The following GALNT13 variants were observed in gnomAD, a reference collection of about 807,000 sequenced individuals.
GALNT13 encodes the protein UDP-GalNAc:polypeptide N-acetylgalactosaminyltransferase 13.
Under a neutral mutation model 64.2 loss-of-function variants are expected in GALNT13, and 28 were observed. The ratio of observed to expected loss-of-function variants is 0.44; its 90% CI spans 0.32 to 0.60. The LOEUF (loss-of-function observed/expected upper bound fraction) is 0.60. Ranked by LOEUF, GALNT13 falls within the 20% of genes least tolerant of loss-of-function variation. The pLI, the probability that GALNT13 is intolerant of heterozygous loss-of-function variation, is 0.05. For synonymous variants in GALNT13, 214 were observed against 224.6 expected, an observed-to-expected ratio of 0.95 and a Z score of 0.42; for missense variants, 577 against 669.8, an observed-to-expected ratio of 0.86 and a Z score of 1.53.
At chr2:153,500,155 A>AG in the GALNT13 span, among the ~76,000 whole-genome samples, 1 of 152,168 alleles carries the variant, frequency 6.6e-6, no homozygotes, top group Non-Finnish European at 1.5e-5. Context: ...TCATAATGAC[A>AG]GGGGGCATGT....
intron 3 of GALNT13, among the ~76,000 whole-genome samples, chr2:154,060,600 C>T (rs1225269475): frequency 6.6e-6 from 1 of 152,084 alleles, no homozygotes; most frequent in Non-Finnish European, 1.5e-5. Context: ...AAGTGATTTC[C>T]CCGGCCTAGG....
the GALNT13 span, among the ~76,000 whole-genome samples, chr2:153,802,747 T>C: frequency 6.6e-6 from 1 of 152,236 alleles, no homozygotes; most frequent in Admixed American, 6.5e-5. Flanking sequence ...CACAAATTTG[T>C]ATTCCAAGGC....
At chr2:153,493,161 G>C in the GALNT13 span, among the ~76,000 whole-genome samples, 1 of 151,936 alleles carries the variant, frequency 6.6e-6, no homozygotes, top group Non-Finnish European at 1.5e-5. Flanking sequence ...AAATAATAAA[G>C]CTGAGAGCAG....
chr2:153,943,604 C>T (rs554008126), intron 2 of GALNT13, among the ~76,000 whole-genome samples: 18 of 152,078 alleles, frequency 1.2e-4, no homozygotes, highest in Non-Finnish European at 2.5e-4. Context: ...AAGTGATTCT[C>T]CTGCCTCAGC....
At chr2:153,231,174 G>A in the GALNT13 span, among the ~76,000 whole-genome samples, 3 of 152,118 alleles carry the variant, frequency 2.0e-5, no homozygotes, top group Non-Finnish European at 4.4e-5. Flanking sequence ...ATGACATACA[G>A]GCTGGAATGG....
chr2:153,175,025 A>C, the GALNT13 span, among the ~76,000 whole-genome samples: 9 of 152,172 alleles, frequency 5.9e-5, no homozygotes, highest in Non-Finnish European at 1.2e-4. Flanking sequence ...GTGTTTGATC[A>C]AACAACTGGG....
the GALNT13 span, among the ~76,000 whole-genome samples, chr2:153,764,036 C>T: frequency 6.6e-6 from 1 of 152,102 alleles, no homozygotes; most frequent in Non-Finnish European, 1.5e-5. Context: ...GACCAAAATG[C>T]TGATAGTGAT....
intron 4 of GALNT13, among the ~76,000 whole-genome samples, chr2:154,143,565 T>G (rs1683389163): frequency 6.6e-6 from 1 of 150,906 alleles, no homozygotes; most frequent in African/African-American, 2.4e-5. Flanking sequence ...TTTTTTCTTT[T>G]AAGAATCTCT....
At chr2:154,252,512 A>G (rs1465568628) in intron 7 of GALNT13, among the ~76,000 whole-genome samples, 2 of 111,072 alleles carry the variant, frequency 1.8e-5, no homozygotes, top group Non-Finnish European at 4.0e-5. Flanking sequence ...GCCCGCCACC[A>G]TGCCCGGCTA....
the GALNT13 span, among the ~76,000 whole-genome samples, chr2:153,721,416 T>A: frequency 7.1e-6 from 1 of 140,028 alleles, no homozygotes; most frequent in Non-Finnish European, 1.5e-5. Flanking sequence ...ACGAGCAAAA[T>A]CACCAGCTAA....
the GALNT13 span, among the ~76,000 whole-genome samples, chr2:153,118,355 A>ATTTTT: frequency 6.6e-6 from 1 of 152,174 alleles, no homozygotes; most frequent in Non-Finnish European, 1.5e-5. Context: ...TTCCCAGGGC[A>ATTTTT]ACCATCACCC....
At chr2:153,287,165 C>A in the GALNT13 span, among the ~76,000 whole-genome samples, 3 of 152,206 alleles carry the variant, frequency 2.0e-5, no homozygotes, top group Non-Finnish European at 4.4e-5. Flanking sequence ...ATCTCACTCG[C>A]AGGCACGCGA....
the GALNT13 span, among the ~76,000 whole-genome samples, chr2:153,295,298 C>G: frequency 6.6e-6 from 1 of 152,154 alleles, no homozygotes; most frequent in Non-Finnish European, 1.5e-5. Flanking sequence ...CAGAGCAATG[C>G]TGGGACACCA....
rs1287031388 is a variant in GALNT13, at chr2:154,030,627, A to G, written c.142+85988A>G. 2.0e-5 allele frequency among the ~76,000 whole-genome samples: 3 copies of G among 152,072 alleles called. 1 individual carries two copies. Among genetic ancestry groups the G allele is most frequent in the Admixed American group, 1.3e-4 (2 of 15,246 alleles). The stretch of plus-strand genomic sequence containing the variant: ...TCTCACATCAAATTGTAATTGCCAC[A>G]TGTCAGGGGAGGGACCTGGTTGGCA... On this transcript the variant is annotated intron_variant, in intron 3 of 12. Transcript: ENST00000392825.
At chr2:153,727,881 G>A in the GALNT13 span, among the ~76,000 whole-genome samples, 2 of 152,040 alleles carry the variant, frequency 1.3e-5, no homozygotes, top group African/African-American at 2.4e-5. Context: ...TTGTCCTAAT[G>A]CTCTCCCTCC....
the GALNT13 span, among the ~76,000 whole-genome samples, chr2:153,167,505 T>C: frequency 6.6e-6 from 1 of 152,326 alleles, no homozygotes; most frequent in East Asian, 1.9e-4. Flanking sequence ...AATAATTCTG[T>C]CAATGACACA....
At chr2:153,189,678 A>T in the GALNT13 span, among the ~76,000 whole-genome samples, 7 of 152,250 alleles carry the variant, frequency 4.6e-5, no homozygotes, top group African/African-American at 1.7e-4. Flanking sequence ...ATCTCCATAC[A>T]GTGATTCATA....
chr2:154,195,917 C>T (rs894900917), intron 4 of GALNT13, among the ~76,000 whole-genome samples: 1 of 152,086 alleles, frequency 6.6e-6, no homozygotes, highest in Non-Finnish European at 1.5e-5. Context: ...CTGTACTGCT[C>T]CTATTCATAG....
At chr2:153,245,011 G>C in the GALNT13 span, among the ~76,000 whole-genome samples, 1 of 152,224 alleles carries the variant, frequency 6.6e-6, no homozygotes, top group Non-Finnish European at 1.5e-5. Flanking sequence ...GAGACTGAGA[G>C]GTCTGAAGTG....
Sources: allele counts gnomAD v4.1 joint callset (sites outside exome capture counted in the v4.1 genomes callset), GRCh38; gene constraint gnomAD v4.1.1; transcripts MANE v1.5; gene names NCBI Gene and HGNC (gene_info 2026-07-23, HGNC 2026-07-21).